Variants in HMBOX1 observed in about 807,000 individuals in gnomAD.
HMBOX1 encodes homeobox containing 1.
HMBOX1 carries 14 observed loss-of-function variants against 54.5 expected under a neutral mutation model. The ratio of observed to expected loss-of-function variants is 0.26; its 90% CI spans 0.17 to 0.40. HMBOX1 has a LOEUF of 0.40. Ranked by LOEUF, HMBOX1 falls within the 10% of genes least tolerant of loss-of-function variation. The pLI, the probability that HMBOX1 is intolerant of heterozygous loss-of-function variation, is 1.00. For missense variants in HMBOX1, 332 were observed against 514.4 expected, an observed-to-expected ratio of 0.65 and a Z score of 3.43; for synonymous variants, 160 against 181.0, an observed-to-expected ratio of 0.88 and a Z score of 0.93.
intron 1 of HMBOX1, among the ~76,000 whole-genome samples, chr8:28,904,938 G>C (rs1299813088): frequency 1.3e-5 from 2 of 152,122 alleles, no homozygotes; most frequent in Non-Finnish European, 2.9e-5. Context: ...GCCTACCAAA[G>C]TGCTGGGATT....
At chr8:28,960,759 CTTTTTCTTTTTTT>C (rs1825368774) in intron 1 of HMBOX1, among the ~76,000 whole-genome samples, 1 of 5,124 alleles carries the variant, frequency 2.0e-4, no homozygotes. Context: ...TTTTCTTTTT[CTTTTTCTTTTTTT>C]TTTTTTTTTT....
chr8:29,005,231 A>T (rs543194253), intron 4 of HMBOX1, among the ~76,000 whole-genome samples: 1 of 152,340 alleles, frequency 6.6e-6, no homozygotes, highest in East Asian at 1.9e-4. Flanking sequence ...GAGGGGGAAG[A>T]CAGAAATTCT....
chr8:29,002,420 C>T (rs753330211), intron 4 of HMBOX1, among the ~76,000 whole-genome samples: 1 of 152,140 alleles, frequency 6.6e-6, no homozygotes, highest in Non-Finnish European at 1.5e-5. Flanking sequence ...GTTGGTTGCA[C>T]AGAGCAACCC....
intron 2 of HMBOX1, among the ~76,000 whole-genome samples, chr8:28,968,510 A>G (rs1490278363): frequency 6.6e-6 from 1 of 152,206 alleles, no homozygotes; most frequent in African/African-American, 2.4e-5. Flanking sequence ...AGTTTCCTCA[A>G]CAATCAATCC....
intron 6 of HMBOX1, among the ~76,000 whole-genome samples, chr8:29,027,726 G>A (rs1250012207): frequency 6.6e-6 from 1 of 152,192 alleles, no homozygotes; most frequent in Non-Finnish European, 1.5e-5. Context: ...ATAGAATATA[G>A]TGGTTAATAG....
chr8:29,017,127 A>G (rs1245244276), intron 5 of HMBOX1, among the ~76,000 whole-genome samples: 1 of 152,142 alleles, frequency 6.6e-6, no homozygotes. Flanking sequence ...AAATGCTGGC[A>G]CCTGGGTGGA....
At chr8:28,940,389 A>G (rs1821164126) in intron 1 of HMBOX1, among the ~76,000 whole-genome samples, 1 of 152,170 alleles carries the variant, frequency 6.6e-6, no homozygotes, top group Admixed American at 6.5e-5. Context: ...CCTCTCTGAC[A>G]AAGTCAACTC....
chr8:28,918,717 C>T lies in HMBOX1; in HGVS notation c.-58+28039C>T, dbSNP rs147553729. Among the ~76,000 whole-genome samples the T allele has an allele frequency of 3.4e-3, 524 of 152,260 alleles. 4 individuals carry two copies. The highest frequency in any genetic ancestry group is 0.012 in the African/African-American group (506 of 41,532). On this transcript the variant is annotated intron_variant, in intron 1 of 9. Transcript: ENST00000287701. ...TATAAACATCATTTTACCACCAGCA[C>T]GCCGAGTTTAAGTGCTTCCCACCTT...
chr8:28,896,978 GTTTT>G lies in HMBOX1; in HGVS notation c.-58+6311_-58+6314del, dbSNP rs201463638. 2.8e-5 allele frequency among the ~76,000 whole-genome samples: 4 copies of G among 141,854 alleles called. No individual in the cohort carries two copies. In the South Asian group the frequency reaches 9.0e-4, roughly 32 times the overall value. 93.1% of individuals were successfully genotyped at this position (141,854 alleles called of 152,430 possible). A position where few individuals can be genotyped will look rare whatever the true frequency, so the allele number is the denominator to read the frequency against. Reference sequence around the variant, plus strand: ...TTATGAGAATCTGAATATTGGCTAGGTTTTTTTTTTTTTTCTTTTTTTTGAGATG... The same window carrying G: ...TTATGAGAATCTGAATATTGGCTAGGTTTTTTTTTTCTTTTTTTTGAGATG... On this transcript the variant is annotated intron_variant, in intron 1 of 9. Transcript: ENST00000287701.
intron 5 of HMBOX1, chr8:29,009,506 C>A: frequency 1.2e-6 from 1 of 838,248 alleles, no homozygotes; most frequent in Non-Finnish European, 1.4e-6. Context: ...TACATAACTA[C>A]GTAAGATTCC....
intron 6 of HMBOX1, among the ~76,000 whole-genome samples, chr8:29,038,508 C>T (rs1804282391): frequency 1.3e-5 from 2 of 152,094 alleles, no homozygotes; most frequent in African/African-American, 2.4e-5. Context: ...GAAACAGGTC[C>T]CCTTTAGAGT....
At chr8:28,942,680 AT>A (rs1821666518) in intron 1 of HMBOX1, among the ~76,000 whole-genome samples, 1 of 152,168 alleles carries the variant, frequency 6.6e-6, no homozygotes, top group African/African-American at 2.4e-5. Flanking sequence ...TCTGTTTCAT[AT>A]TAGCACATAA....
At chr8:28,929,912 G>A (rs986102493) in intron 1 of HMBOX1, among the ~76,000 whole-genome samples, 7 of 151,832 alleles carry the variant, frequency 4.6e-5, no homozygotes, top group African/African-American at 7.3e-5. Flanking sequence ...ATTTCAGAAC[G>A]TTTCTAACAC....
intron 1 of HMBOX1, among the ~76,000 whole-genome samples, chr8:28,942,263 T>C (rs191728794): frequency 1.1e-4 from 16 of 152,340 alleles, no homozygotes; most frequent in Middle Eastern, 6.8e-3. Context: ...AGGTTCTTGC[T>C]GAAATCTCCA....
At chr8:29,019,209 G>GA (rs1249441100) in intron 6 of HMBOX1, among the ~76,000 whole-genome samples, 1 of 152,134 alleles carries the variant, frequency 6.6e-6, no homozygotes, top group East Asian at 1.9e-4. Flanking sequence ...TTATATTTTG[G>GA]AAAAACTCTT....
rs372347090 is a variant in HMBOX1 at position 28,894,428 on chromosome 8, T to G, written c.-58+3750T>G. On this transcript the variant is annotated intron_variant, in intron 1 of 9. Coordinates refer to ENST00000287701, the MANE Select transcript of HMBOX1 (RefSeq NM_001135726.3). ...AAACCAAAGAGTAACCAGCACATGT[T>G]GTCCACATTATAGAAGCTGAGGAGA... Among the ~76,000 whole-genome samples the G allele has an allele frequency of 1.2e-3, 188 of 152,238 alleles. 3 individuals carry two copies. The South Asian group carries it at 0.02, about 16-fold the overall frequency.
chr8:28,891,901 T>C (rs1811073796), intron 1 of HMBOX1: 1 of 152,308 alleles, frequency 6.6e-6, no homozygotes. Context: ...AAATCACCCA[T>C]GTATCATATA....
chr8:29,024,486 G>A (rs1369949224), intron 6 of HMBOX1, among the ~76,000 whole-genome samples: 1 of 151,946 alleles, frequency 6.6e-6, no homozygotes, highest in Non-Finnish European at 1.5e-5. Flanking sequence ...GTAGGAGTGT[G>A]GATAATGGAC....
intron 5 of HMBOX1, among the ~76,000 whole-genome samples, chr8:29,013,767 T>C (rs953371089): frequency 2.6e-5 from 4 of 152,274 alleles, no homozygotes; most frequent in African/African-American, 9.6e-5. Flanking sequence ...ATGGTTGACA[T>C]CAAAAGTCCC....
Sources: gnomAD v4.1 joint callset for allele counts (sites outside exome capture counted in the v4.1 genomes callset) on GRCh38, gnomAD v4.1.1 for gene constraint, MANE v1.5 for transcripts, NCBI Gene and HGNC (gene_info 2026-07-23, HGNC 2026-07-21) for gene names.